Variants in COL4A1 observed in about 807,000 individuals in gnomAD.
The protein encoded by COL4A1 is collagen alpha-1(IV) chain.
In COL4A1, 40 loss-of-function variants were observed where a neutral mutation model predicts 216.6. The observed-to-expected ratio is 0.18, with a 90% CI of 0.14 to 0.24. COL4A1 has a LOEUF of 0.24. Ranked by LOEUF, COL4A1 falls within the 10% of genes least tolerant of loss-of-function variation. The probability of loss-of-function intolerance (pLI) is 1.00; values close to 1 mark genes in which losing one functional copy is unlikely to be tolerated. For synonymous variants in COL4A1, 839 were observed against 810.7 expected (o/e 1.03, Z -0.59); for missense variants, 1,628 against 2,196.8 (o/e 0.74, Z 5.18).
At chr13:110,248,446 G>A (rs7333277) in intron 1 of COL4A1, among the ~76,000 whole-genome samples, 82,361 of 152,044 alleles carry the variant, frequency 0.54, 22,925 homozygotes, top group African/African-American at 0.66. Context: ...CACGGCAGGG[G>A]CGCACTGGTA....
chr13:110,222,590 G>A (rs2139220511), intron 2 of COL4A1, among the ~76,000 whole-genome samples: 1 of 148,582 alleles, frequency 6.7e-6, no homozygotes, highest in African/African-American at 2.4e-5. Context: ...TGGCTAACAT[G>A]GTGAAACCCC....
In COL4A1 at chr13:110,170,429, T is replaced by A. The variant is rs187951730; in HGVS notation, c.3742+118A>T. The A allele has an allele frequency of 2.7e-6, 3 of 1,106,280 alleles. No individual in the cohort carries two copies. The Admixed American group carries it at 6.2e-5, about 23-fold the overall frequency. 68.5% of individuals were successfully genotyped at this position (1,106,280 alleles called of 1,614,324 possible). A position where few individuals can be genotyped will look rare whatever the true frequency, so the allele number is the denominator to read the frequency against. ...AAACACAATTTCAAGCTGTAATAAA[T>A]GCTGCAGACTTCTAAATAAAAAAGC... On this transcript the variant is annotated intron_variant, in intron 42 of 51. Coordinates refer to ENST00000375820, the MANE Select transcript of COL4A1 (RefSeq NM_001845.6).
chr13:110,246,265 C>G (rs985765146), intron 1 of COL4A1, among the ~76,000 whole-genome samples: 2 of 151,756 alleles, frequency 1.3e-5, no homozygotes, highest in Admixed American at 6.6e-5. Flanking sequence ...CTGGTCCTTT[C>G]TGTCATATAA....
chr13:110,289,597 C>T (rs974355701), intron 1 of COL4A1, among the ~76,000 whole-genome samples: 1 of 152,212 alleles, frequency 6.6e-6, no homozygotes, highest in African/African-American at 2.4e-5. Context: ...AGTCGGTGCC[C>T]TTGCAGGTTC....
intron 1 of COL4A1, among the ~76,000 whole-genome samples, chr13:110,254,930 T>C (rs1362044444): frequency 6.6e-6 from 1 of 152,254 alleles, no homozygotes; most frequent in Admixed American, 6.5e-5. Flanking sequence ...CTTGCCACTG[T>C]ACTTGCAATC....
intron 2 of COL4A1, among the ~76,000 whole-genome samples, chr13:110,235,543 T>C (rs973605038): frequency 9.9e-5 from 15 of 151,100 alleles, no homozygotes; most frequent in Non-Finnish European, 2.1e-4. Context: ...CCCAGCTACT[T>C]GGGAGGCTGA....
Position 110,169,376 on chromosome 13 carries a change from G to C in COL4A1, c.3876+253C>G, listed in dbSNP as rs183228138. Among the ~76,000 whole-genome samples the C allele has an allele frequency of 2.6e-3, 397 of 152,130 alleles. 1 individual carries two copies. The highest frequency in any genetic ancestry group is 4.9e-3 in the Non-Finnish European group (332 of 68,006). On this transcript the variant is annotated intron_variant, in intron 43 of 51. Transcript: ENST00000375820. Reference sequence around the variant, plus strand: ...AGCAGTATAACATTTCCCTTTTATGGTTCTTGGAAAACTGGATTGTAAAAA... The same window carrying C: ...AGCAGTATAACATTTCCCTTTTATGCTTCTTGGAAAACTGGATTGTAAAAA...
intron 1 of COL4A1, among the ~76,000 whole-genome samples, chr13:110,267,158 A>C (rs1427820961): frequency 6.6e-6 from 1 of 152,152 alleles, no homozygotes. Context: ...CACTGGAGAA[A>C]GGATTTCCGG....
At chr13:110,239,639 C>G (rs1352510635) in intron 2 of COL4A1, among the ~76,000 whole-genome samples, 1 of 152,190 alleles carries the variant, frequency 6.6e-6, no homozygotes, top group Non-Finnish European at 1.5e-5. Context: ...TTCCATTATT[C>G]CAACCCCTTT....
intron 1 of COL4A1, among the ~76,000 whole-genome samples, chr13:110,276,075 G>T (rs534545510): frequency 1.3e-5 from 2 of 151,468 alleles, no homozygotes; most frequent in South Asian, 2.1e-4. Context: ...GGATAGTGAC[G>T]TGTCGGTGCA....
chr13:110,222,983 A>C (rs1880576394), intron 2 of COL4A1, among the ~76,000 whole-genome samples: 1 of 152,064 alleles, frequency 6.6e-6, no homozygotes, highest in Non-Finnish European at 1.5e-5. Context: ...AAATATAAAA[A>C]CTAGTAACCT....
At chr13:110,177,694 AG>A in intron 33 of COL4A1, 147 bp downstream of exon 33, 1 of 795,090 alleles carries the variant, frequency 1.3e-6, no homozygotes, top group Non-Finnish European at 2.1e-6. Context: ...TACTGGAAGA[AG>A]GGGGTCTCCC....
intron 1 of COL4A1, among the ~76,000 whole-genome samples, chr13:110,253,742 T>A (rs1054046713): frequency 2.1e-5 from 3 of 144,648 alleles, no homozygotes; most frequent in African/African-American, 7.7e-5. Flanking sequence ...TATGTATGTA[T>A]TACATATACA....
chr13:110,198,442 T>C, intron 21 of COL4A1, 25 bp downstream of exon 21: 2 of 1,612,864 alleles, frequency 1.2e-6, no homozygotes, highest in Non-Finnish European at 1.7e-6. Flanking sequence ...GCACCCCACA[T>C]TAAACCATTT....
chr13:110,177,124 C>T, intron 33 of COL4A1, 87 bp from the exon 34 acceptor site: 1 of 1,588,592 alleles, frequency 6.3e-7, no homozygotes, highest in Non-Finnish European at 8.5e-7. Flanking sequence ...ACAGGGACAG[C>T]AGCTGGCAAA....
rs1387527947 is a variant in COL4A1 at position 110,176,481 on chromosome 13, G to A, written c.3001C>T (p.Pro1001Ser). Residue 1001 changes from proline to serine, a missense_variant, in exon 36 of 52, where the codon CCA becomes TCA. Physicochemically the swap from Pro to Ser is moderately conservative, Grantham distance 74. Transcript: ENST00000375820. ...GGTCCCGGAAGTCCTGGAGCACCTG[G>A]GGTTCCACTTATACCTGGATCACCT... ...PKGDPGISGTPGAPGLPGPKG... is the reference protein window; with the variant it reads ...PKGDPGISGTSGAPGLPGPKG... 3 of 1,614,022 alleles carry A rather than the reference G, an allele frequency of 1.9e-6. No individual in the cohort carries two copies. The South Asian group carries it at 3.3e-5, about 18-fold the overall frequency.
intron 1 of COL4A1, among the ~76,000 whole-genome samples, chr13:110,273,275 A>T (rs553286744): frequency 6.6e-6 from 1 of 152,256 alleles, no homozygotes; most frequent in Admixed American, 6.5e-5. Flanking sequence ...CTAACGCGGG[A>T]TGTATATTTT....
At chr13:110,194,980 G>T (rs367567358) in intron 22 of COL4A1, 43 bp downstream of exon 22, 1 of 1,559,336 alleles carries the variant, frequency 6.4e-7, no homozygotes, top group Non-Finnish European at 8.8e-7. Flanking sequence ...AAAATCATAC[G>T]CAAAGACACA....
chr13:110,163,984 CTTTT>C (rs58236306), intron 46 of COL4A1, among the ~76,000 whole-genome samples: 95 of 110,248 alleles, frequency 8.6e-4, no homozygotes, highest in African/African-American at 2.9e-3. Flanking sequence ...TTCTCTCTCT[CTTTT>C]TTTTTTTTTT....
Sources: allele counts gnomAD v4.1 joint callset (sites outside exome capture counted in the v4.1 genomes callset), GRCh38; gene constraint gnomAD v4.1.1; transcripts MANE v1.5; gene names NCBI Gene and HGNC (gene_info 2026-07-23, HGNC 2026-07-21).